The following KIF1A variants were observed in gnomAD, a reference collection of about 807,000 sequenced individuals.
KIF1A encodes the protein kinesin family member 1A, also known as kinesin-like protein KIF1A.
In KIF1A, 46 loss-of-function variants were observed where a neutral mutation model predicts 227.3. That is an observed-to-expected ratio of 0.20 (90% CI 0.16 to 0.26). The LOEUF is 0.26. Among genes scored for constraint, KIF1A ranks in the 10% least tolerant of loss-of-function variants. The pLI, the probability that KIF1A is intolerant of heterozygous loss-of-function variation, is 1.00. For synonymous variants in KIF1A, 1,022 were observed against 1,012.8 expected (o/e 1.01, Z -0.17); for missense variants, 1,683 against 2,485.9 (o/e 0.68, Z 6.87).
At position 240,760,790 on chromosome 2, in the gene KIF1A, G is replaced by A. The variant is rs372521119; in HGVS notation, c.2319C>T (p.Pro773=). ...LTDTLYSPLP[P]DLLPPEAAKD... ...TGGCGGCCTCTGGGGGCAGCAGGTC[G>A]GGTGGCAGAGGGGAGTAGAGTGTGT... is the stretch of plus-strand genomic sequence containing the variant. Residue 773 remains proline, a synonymous_variant, in exon 25 of 49, where the codon CCC becomes CCT. Coordinates refer to ENST00000498729, the MANE Select transcript of KIF1A (RefSeq NM_001244008.2). 22 of 1,604,982 alleles carry A rather than the reference G, an allele frequency of 1.4e-5. No homozygotes were observed. In the African/African-American group the frequency reaches 2.0e-4, roughly 15 times the overall value.
chr2:240,816,026 G>C (rs2058290871), intron 1 of KIF1A, among the ~76,000 whole-genome samples: 2 of 152,154 alleles, frequency 1.3e-5, no homozygotes, highest in South Asian at 4.1e-4. Context: ...GAGGGGTAGG[G>C]GTGACAGCAG....
chr2:240,723,306 G>C (rs952292098), intron 42 of KIF1A, 107 bp downstream of exon 42: 19 of 1,131,348 alleles, frequency 1.7e-5, no homozygotes, highest in Non-Finnish European at 2.2e-5. Flanking sequence ...AAGCAGCTGT[G>C]CTGCCCCCCA....
rs1032351915 is a variant in KIF1A, at chr2:240,789,179, G to A, written c.183+57C>T. ...TCAGAGAAGTTGAGGGACCCCGAGG[G>A]CCACATGGCCTATGCACTGCTGCCC... On this transcript the variant is annotated intron_variant, in intron 3 of 48. Transcript: ENST00000498729. The surrounding 1 kb of genome is among the most constrained non-coding windows in gnomAD (Gnocchi z 4.8). 2.1e-6 allele frequency: 3 copies of A among 1,397,394 alleles called. No homozygotes were observed. Among genetic ancestry groups the A allele is most frequent in the African/African-American group, 2.8e-5 (2 of 70,414 alleles). The allele number at this position is 1,397,394 out of a possible 1,614,324, so 86.6% of individuals were successfully genotyped here.
In KIF1A at chr2:240,740,301, G is replaced by C; in HGVS notation, c.3813C>G (p.His1271Gln). Residue 1271 changes from histidine (H) to glutamine (Q), a missense_variant, in exon 36 of 49, where the codon CAC (histidine) becomes CAG (glutamine). By Grantham distance (24) the His-to-Gln change is conservative. Transcript: ENST00000498729. The surrounding 1 kb of genome is among the most constrained non-coding windows in gnomAD (Gnocchi z 6.1). ...TAGGGGCAAGAGGGGCTCACACCTG[G>C]TGGAGGAGGAAGGTCCCCATGCATG... ...GMPCMGTFLL[H>Q]QGIQRRITVT... 6.2e-7 allele frequency: 1 copy of C among 1,613,236 alleles called. No individual in the cohort carries two copies. The highest frequency in any genetic ancestry group is 8.5e-7 in the Non-Finnish European group (1 of 1,179,514).
At position 240,740,107 on chromosome 2, in the gene KIF1A, A is replaced by G. The variant is rs184931664; in HGVS notation, c.3852T>C (p.His1284=). 2,294 of 1,590,346 alleles carry G rather than the reference A, an allele frequency of 1.4e-3. 13 individuals carry two copies. The African/African-American group carries it at 0.021, about 15-fold the overall frequency. ...IQRRITVTLL[H]ETGSHIRWKE... ...TCCAGCGGATATGGCTGCCTGTCTCATGCAGTAGTGTCACCGTAATCCGTC... is the reference window on the plus strand; with the variant it reads ...TCCAGCGGATATGGCTGCCTGTCTCGTGCAGTAGTGTCACCGTAATCCGTC... The change falls in exon 37 of 49, where the codon CAT becomes CAC. Residue 1284 remains histidine, a synonymous_variant. Coordinates refer to ENST00000498729, the MANE Select transcript of KIF1A (RefSeq NM_001244008.2). The surrounding 1 kb of genome is among the most constrained non-coding windows in gnomAD (Gnocchi z 6.1).
chr2:240,738,163 C>T (rs1178488240), intron 37 of KIF1A, among the ~76,000 whole-genome samples: 3 of 152,254 alleles, frequency 2.0e-5, no homozygotes, highest in African/African-American at 7.2e-5. Flanking sequence ...CGCAGCTGCT[C>T]TCAGCCCTCG....
rs903579697 is a variant in KIF1A, at chr2:240,740,092, A to G, written c.3867T>C (p.His1289=). The G allele has an allele frequency of 6.3e-7, 1 of 1,589,740 alleles. No individual in the cohort carries two copies. The highest frequency in any genetic ancestry group is 1.3e-5 in the African/African-American group (1 of 74,212). The change falls in exon 37 of 49, where the codon CAT becomes CAC. Residue 1289 remains histidine (H), a synonymous_variant. Transcript: ENST00000498729. This position sits in a 1 kb window ranked among gnomAD's most constrained non-coding sequence, Gnocchi z 6.1. ...TVTLLHETGS[H]IRWKEVRELV... ...GCTCGCGCACTTCCTTCCAGCGGAT[A>G]TGGCTGCCTGTCTCATGCAGTAGTG...
At chr2:240,769,070 G>T in intron 17 of KIF1A, 63 bp downstream of exon 17, 2 of 1,438,970 alleles carry the variant, frequency 1.4e-6, no homozygotes, top group South Asian at 2.4e-5. Context: ...CTCTACCTGA[G>T]ACAGCACCTC....
rs1449265110 is a variant in KIF1A at position 240,793,191 on chromosome 2, G to A, written c.107-3879C>T. 6.6e-6 allele frequency among the ~76,000 whole-genome samples: 1 copy of A among 152,170 alleles called. No homozygotes were observed. Among genetic ancestry groups the A allele is most frequent in the East Asian group, 1.9e-4 (1 of 5,186 alleles). On this transcript the variant is annotated intron_variant, in intron 2 of 48. Coordinates refer to ENST00000498729, the MANE Select transcript of KIF1A (RefSeq NM_001244008.2). This position sits in a 1 kb window ranked among gnomAD's most constrained non-coding sequence, Gnocchi z 4.8. ...ACAGCGGAGGCTGGGGGCCTGGGTC[G>A]CACCCACCCTGGGTCCAGATCCCCA...
chr2:240,808,560 T>C (rs2057611005), intron 1 of KIF1A, among the ~76,000 whole-genome samples: 1 of 151,802 alleles, frequency 6.6e-6, no homozygotes, highest in Non-Finnish European at 1.5e-5. Context: ...TAGTACCAGC[T>C]CCTTGGGAGG....
chr2:240,746,288 G>C lies in KIF1A; in HGVS notation c.3064-111C>G. ...GCTGTGCCACCCAGAGCCTGGGCTG[G>C]GGCCTCCATGAACCCACGCACCAGA... On this transcript the variant is annotated intron_variant, in intron 29 of 48. Coordinates refer to ENST00000498729, the MANE Select transcript of KIF1A (RefSeq NM_001244008.2). The C allele has an allele frequency of 2.2e-6, 3 of 1,339,588 alleles. No homozygotes were observed. The South Asian group carries it at 4.0e-5, about 18-fold the overall frequency. The allele number at this position is 1,339,588 out of a possible 1,614,324, so 83.0% of individuals were successfully genotyped here. A position where few individuals can be genotyped will look rare whatever the true frequency, so the allele number is the denominator to read the frequency against.
At chr2:240,754,590 C>T (rs759957982) in intron 27 of KIF1A, among the ~76,000 whole-genome samples, 23 of 152,350 alleles carry the variant, frequency 1.5e-4, no homozygotes, top group Non-Finnish European at 2.5e-4. Context: ...TGGAGCCTGG[C>T]GTCTCTGCCC....
intron 1 of KIF1A, among the ~76,000 whole-genome samples, chr2:240,799,799 C>T (rs1240413615): frequency 2.0e-5 from 3 of 152,106 alleles, no homozygotes; most frequent in Non-Finnish European, 2.9e-5. Flanking sequence ...TCCCTTGACT[C>T]AGTAATCCCA....
chr2:240,752,256 T>C lies in KIF1A; in HGVS notation c.2859-1709A>G, dbSNP rs1360421114. ...CAGGCGGCTCTGCCTGACTTAGGTG[T>C]GGGGGCTGGAGCTCCACTGCCCTGG... On this transcript the variant is annotated intron_variant, in intron 27 of 48. Coordinates refer to ENST00000498729, the MANE Select transcript of KIF1A (RefSeq NM_001244008.2). The surrounding 1 kb of genome is among the most constrained non-coding windows in gnomAD (Gnocchi z 6.4). Among the ~76,000 whole-genome samples the C allele has an allele frequency of 6.6e-6, 1 of 151,640 alleles. No homozygotes were observed. The highest frequency in any genetic ancestry group is 2.0e-4 in the East Asian group (1 of 5,114).
At position 240,800,105 on chromosome 2, in the gene KIF1A, GACACACAC is replaced by G. The variant is rs3220094; in HGVS notation, c.-60-2301_-60-2294del. Among the ~76,000 whole-genome samples, 323 of 143,062 alleles carry G rather than the reference GACACACAC, an allele frequency of 2.3e-3. 8 individuals carry two copies. In the South Asian group the frequency reaches 0.053, roughly 23 times the overall value. 93.9% of individuals were successfully genotyped at this position (143,062 alleles called of 152,430 possible). ...GAACAGACTAAGCATGTCCAAAGCA[GACACACAC>G]ACACACACACACACACACACACACA... On this transcript the variant is annotated intron_variant, in intron 1 of 48. Transcript: ENST00000498729.
Position 240,740,282 on chromosome 2 carries a change from C to A in KIF1A, c.3816+16G>T. 1 of 1,610,164 alleles carries A rather than the reference C, an allele frequency of 6.2e-7. No individual in the cohort carries two copies. Among genetic ancestry groups the A allele is most frequent in the Non-Finnish European group, 8.5e-7 (1 of 1,177,660 alleles). On this transcript the variant is annotated intron_variant, in intron 36 of 48. Coordinates refer to ENST00000498729, the MANE Select transcript of KIF1A (RefSeq NM_001244008.2). This position sits in a 1 kb window ranked among gnomAD's most constrained non-coding sequence, Gnocchi z 6.1. ...GGAGGGGACACAGGCAGGGTAGGGG[C>A]AAGAGGGGCTCACACCTGGTGGAGG...
At chr2:240,816,064 G>A (rs576128647) in intron 1 of KIF1A, among the ~76,000 whole-genome samples, 1 of 152,242 alleles carries the variant, frequency 6.6e-6, no homozygotes, top group African/African-American at 2.4e-5. Context: ...GCATTTGAGG[G>A]GGACCTAAAA....
chr2:240,767,368 T>C (rs2051337545), intron 17 of KIF1A, 23 bp from the exon 18 acceptor site: 3 of 1,601,540 alleles, frequency 1.9e-6, no homozygotes, highest in Non-Finnish European at 2.6e-6. Flanking sequence ...AGGAGGATCA[T>C]CTCTCTTGCA....
At chr2:240,743,184 C>A (rs2048196331) in intron 33 of KIF1A, among the ~76,000 whole-genome samples, 200 bp from the exon 34 acceptor site, 1 of 152,166 alleles carries the variant, frequency 6.6e-6, no homozygotes, top group South Asian at 2.1e-4. Flanking sequence ...CACAGGGAAC[C>A]AGGGCAAGGG....
Sources: gnomAD v4.1 joint callset for allele counts (sites outside exome capture counted in the v4.1 genomes callset) on GRCh38, gnomAD v4.1.1 for gene constraint, Gnocchi (gnomAD v3.1) non-coding constraint, MANE v1.5 for transcripts, NCBI Gene and HGNC (gene_info 2026-07-23, HGNC 2026-07-21) for gene names.